Variants in PKP2 observed in about 807,000 individuals in gnomAD.
The protein encoded by PKP2 is plakophilin-2.
A neutral mutation model predicts 83.4 loss-of-function variants in PKP2; 73 were observed. The ratio of observed to expected loss-of-function variants is 0.88; its 90% confidence interval spans 0.72 to 1.06. The LOEUF (loss-of-function observed/expected upper bound fraction) is 1.06, where lower values mean the gene tolerates loss of function less well. PKP2 is among the 50% of genes least tolerant of loss of function. The pLI is 0.00. For synonymous variants in PKP2, 409 were observed against 430.4 expected (o/e 0.95, Z 0.62); for missense variants, 966 against 1,065.4 (o/e 0.91, Z 1.30).
intron 2 of PKP2, 79 bp downstream of exon 2, chr12:32,878,841 C>A: frequency 1.1e-6 from 1 of 878,266 alleles, no homozygotes. Context: ...AGTAAACACT[C>A]AAAAATAATC....
At position 32,846,745 on chromosome 12, in the gene PKP2, C is replaced by CAAAAAAAA. The variant is rs574053559; in HGVS notation, c.1378+4013_1378+4020dup. ...GGGTAACAAGAATGAAACTTCTTCTCAAAAAAAAAAAAAAAAAAGAAGAGA... is the reference window on the plus strand; with the variant it reads ...GGGTAACAAGAATGAAACTTCTTCTCAAAAAAAAAAAAAAAAAAAAAAAAAAGAAGAGA... On this transcript the variant is annotated intron_variant, in intron 5 of 12. Transcript: ENST00000340811. Among the ~76,000 whole-genome samples, 139 of 74,850 alleles carry CAAAAAAAA rather than the reference C, an allele frequency of 1.9e-3. 5 individuals are homozygous for CAAAAAAAA. Among genetic ancestry groups the CAAAAAAAA allele is most frequent in the African/African-American group, 7.3e-3 (130 of 17,698 alleles). The allele number at this position is 74,850 out of a possible 152,430, so 49.1% of individuals were successfully genotyped here.
intron 11 of PKP2, among the ~76,000 whole-genome samples, chr12:32,793,636 T>C (rs1165394928): frequency 6.9e-6 from 1 of 144,580 alleles, no homozygotes; most frequent in Non-Finnish European, 1.5e-5. Flanking sequence ...TTTTTTTTTT[T>C]TGAGGCTGGA....
chr12:32,867,205 A>G (rs530554090), intron 4 of PKP2, among the ~76,000 whole-genome samples: 29 of 152,236 alleles, frequency 1.9e-4, no homozygotes, highest in Admixed American at 6.5e-4. Context: ...GTGTGCGCCT[A>G]TGGTCCCAGC....
intron 11 of PKP2, among the ~76,000 whole-genome samples, chr12:32,795,013 T>C (rs901556819): frequency 6.6e-6 from 1 of 152,228 alleles, no homozygotes; most frequent in Admixed American, 6.5e-5. Context: ...TAGGCTATCA[T>C]AGCCATTTCT....
At chr12:32,855,629 A>G (rs1956738768) in intron 4 of PKP2, among the ~76,000 whole-genome samples, 1 of 151,980 alleles carries the variant, frequency 6.6e-6, no homozygotes, top group Non-Finnish European at 1.5e-5. Context: ...ACAAAAAATT[A>G]GCTGGGTGTG....
chr12:32,863,635 A>G (rs78966607), intron 4 of PKP2, among the ~76,000 whole-genome samples: 22,442 of 152,170 alleles, frequency 0.15, 1,818 homozygotes, highest in Middle Eastern at 0.22. Context: ...AGCCACTGAT[A>G]GTCTAAACAG....
At chr12:32,863,249 A>ACT (rs1375995577) in intron 4 of PKP2, 1 of 251,964 alleles carries the variant, frequency 4.0e-6, no homozygotes, top group Non-Finnish European at 8.6e-6. Context: ...AGATGTCCTT[A>ACT]TGTATACAAA....
At position 32,858,103 on chromosome 12, in the gene PKP2, A is replaced by ATATT. The variant is rs1555146109; in HGVS notation, c.1171-7131_1171-7130insAATA. Among the ~76,000 whole-genome samples, 118 of 94,578 alleles carry ATATT rather than the reference A, an allele frequency of 1.2e-3. 1 individual carries two copies. The highest frequency in any genetic ancestry group is 5.5e-3 in the African/African-American group (112 of 20,258). The allele number at this position is 94,578 out of a possible 152,430, so 62.0% of individuals were successfully genotyped here. A position where few individuals can be genotyped will look rare whatever the true frequency, so the allele number is the denominator to read the frequency against. On this transcript the variant is annotated intron_variant, in intron 4 of 12. Transcript: ENST00000340811. ...AAAAAAAATATATATATATATATAT[A>ATATT]TATATATATATATTTATATATATTT...
chr12:32,815,449 C>T (rs2137757053), intron 9 of PKP2, among the ~76,000 whole-genome samples: 1 of 152,254 alleles, frequency 6.6e-6, no homozygotes, highest in Non-Finnish European at 1.5e-5. Flanking sequence ...ATCTTTTCTC[C>T]ACCTCAGTGC....
intron 10 of PKP2, among the ~76,000 whole-genome samples, chr12:32,799,955 G>T (rs1452877668): frequency 6.6e-6 from 1 of 152,176 alleles, no homozygotes; most frequent in African/African-American, 2.4e-5. Flanking sequence ...GTTAATATTT[G>T]ATAAATCCAC....
intron 5 of PKP2, 29 bp downstream of exon 5, chr12:32,850,737 T>C (rs1315639465): frequency 6.4e-7 from 1 of 1,567,986 alleles, no homozygotes; most frequent in Non-Finnish European, 8.8e-7. Flanking sequence ...GCAAATGTGT[T>C]AGGTTCTTCA....
At chr12:32,858,667 AAAC>A (rs1219903170) in intron 4 of PKP2, among the ~76,000 whole-genome samples, 1 of 152,240 alleles carries the variant, frequency 6.6e-6, no homozygotes. Flanking sequence ...ACAAAGTTAA[AAAC>A]AACAACAAAA....
intron 4 of PKP2, among the ~76,000 whole-genome samples, chr12:32,855,593 AGT>A (rs1956738437): frequency 6.6e-6 from 1 of 151,954 alleles, no homozygotes; most frequent in African/African-American, 2.4e-5. Context: ...TGGCCAACAT[AGT>A]GAAACCCCGT....
intron 6 of PKP2, among the ~76,000 whole-genome samples, chr12:32,828,938 G>A (rs74800770): frequency 6.6e-6 from 1 of 150,480 alleles, no homozygotes; most frequent in Non-Finnish European, 1.5e-5. Flanking sequence ...ATTTTTTTTT[G>A]TTTTGTTTTG....
At chr12:32,805,480 A>G (rs779557664) in intron 9 of PKP2, among the ~76,000 whole-genome samples, 1 of 152,144 alleles carries the variant, frequency 6.6e-6, no homozygotes, top group Non-Finnish European at 1.5e-5. Flanking sequence ...TAATTTTTGT[A>G]TAAGGTACAA....
rs750897570 is a variant in PKP2 at position 32,850,777 on chromosome 12, T to G, written c.1367A>C (p.Lys456Thr). The change falls in exon 5 of 13, where the codon AAA becomes ACA. Residue 456 changes from lysine (K) to threonine (T), a missense_variant. By Grantham distance (78) the Lys-to-Thr change is moderately conservative (BLOSUM62 -1). Transcript: ENST00000340811. ...TCAGTAAGCACTACCTGTTATTTGT[T>G]TTTTAGTCTCCAAGTCTCTGGTTTG... ...LKQTRDLETK[K>T]QITGLLWNLS... The G allele has an allele frequency of 1.9e-6, 3 of 1,612,218 alleles. No individual in the cohort carries two copies. Among genetic ancestry groups the G allele is most frequent in the Non-Finnish European group, 2.5e-6 (3 of 1,179,672 alleles).
chr12:32,895,192 C>CATAT (rs371098176), intron 1 of PKP2, among the ~76,000 whole-genome samples: 106 of 150,174 alleles, frequency 7.1e-4, no homozygotes, highest in African/African-American at 2.2e-3. Flanking sequence ...TTTTTAAATA[C>CATAT]ATATATATAT....
intron 9 of PKP2, among the ~76,000 whole-genome samples, chr12:32,813,120 G>A (rs1305803978): frequency 6.6e-6 from 1 of 152,086 alleles, no homozygotes; most frequent in Non-Finnish European, 1.5e-5. Flanking sequence ...TCTAAATAAT[G>A]GTCAGTATTA....
At chr12:32,835,682 C>T (rs897665840) in intron 6 of PKP2, among the ~76,000 whole-genome samples, 6 of 152,140 alleles carry the variant, frequency 3.9e-5, no homozygotes, top group African/African-American at 1.4e-4. Context: ...TATGCCTGTA[C>T]CTTAGTTATC....
Sources: gnomAD v4.1 joint callset for allele counts (sites outside exome capture counted in the v4.1 genomes callset) on GRCh38, gnomAD v4.1.1 for gene constraint, MANE v1.5 for transcripts, NCBI Gene and HGNC (gene_info 2026-07-23, HGNC 2026-07-21) for gene names.